The following ADGRF4 variants were observed in gnomAD, a reference collection of about 807,000 sequenced individuals.
The protein encoded by ADGRF4 is G-protein coupled receptor PGR18.
In ADGRF4, 63 loss-of-function variants were observed where a neutral mutation model predicts 58.5. That is an observed-to-expected ratio of 1.08 (90% CI 0.88 to 1.33). The LOEUF (loss-of-function observed/expected upper bound fraction) is 1.33. Among genes scored for constraint, ADGRF4 ranks in the 40% most tolerant of loss-of-function variants. The pLI is 0.00. For missense variants in ADGRF4, 931 were observed against 843.9 expected, an observed-to-expected ratio of 1.10 and a Z score of -1.28; for synonymous variants, 313 against 295.4, an observed-to-expected ratio of 1.06 and a Z score of -0.61.
chr6:47,714,796 T>C lies in ADGRF4; in HGVS notation c.1551T>C (p.Ile517=). ...RRMMKSRMMV[I]GFAIGYGCPL... ...TGATGAAGTCCCGAATGATGGTCAT[T>C]GGCTTTGCCATTGGCTATGGGTGCC... The change falls in exon 6 of 10, where the codon ATT becomes ATC. Residue 517 remains isoleucine, a synonymous_variant. Coordinates refer to ENST00000283303, the MANE Select transcript of ADGRF4 (RefSeq NM_153838.5). 6.2e-7 allele frequency: 1 copy of C among 1,613,998 alleles called. No individual in the cohort carries two copies. The highest frequency in any genetic ancestry group is 1.3e-5 in the African/African-American group (1 of 75,054).
At chr6:47,713,620 T>C (rs1464526732) in intron 5 of ADGRF4, among the ~76,000 whole-genome samples, 178 bp from the exon 6 acceptor site, 1 of 152,238 alleles carries the variant, frequency 6.6e-6, no homozygotes, top group Non-Finnish European at 1.5e-5. Flanking sequence ...TGCATTATTT[T>C]ACTTTTCTTC....
Position 47,712,549 on chromosome 6 carries a change from G to A in ADGRF4, c.493G>A (p.Glu165Lys). 1 of 1,603,806 alleles carries A rather than the reference G, an allele frequency of 6.2e-7. No individual in the cohort carries two copies. Among genetic ancestry groups the A allele is most frequent in the South Asian group, 1.1e-5 (1 of 90,858 alleles). ...ATCTGGAAATATTGCATTTATAGTG[G>A]AGTTATTAAAAAATATTTCTACAGA... The part of the protein sequence containing the change: ...TTSGNIAFIV[E>K]LLKNISTDLS... Residue 165 changes from glutamate to lysine, a missense_variant, in exon 5 of 10, where the codon GAG (glutamate) becomes AAG (lysine). Transcript: ENST00000283303.
chr6:47,707,699 C>A (rs975348602), intron 2 of ADGRF4, among the ~76,000 whole-genome samples: 2 of 152,150 alleles, frequency 1.3e-5, no homozygotes, highest in African/African-American at 4.8e-5. Context: ...GTCCCAAATT[C>A]TTTATCTATA....
At chr6:47,702,325 G>A (rs1771609899) in intron 1 of ADGRF4, among the ~76,000 whole-genome samples, 1 of 152,132 alleles carries the variant, frequency 6.6e-6, no homozygotes, top group African/African-American at 2.4e-5. Flanking sequence ...GAACCCCTTT[G>A]GCTTTTATGA....
intron 2 of ADGRF4, 26 bp from the exon 3 acceptor site, chr6:47,708,198 G>A (rs576649186): frequency 1.9e-6 from 3 of 1,584,664 alleles, no homozygotes; most frequent in East Asian, 2.2e-5. Context: ...CAGTAAAGAG[G>A]ACCATTGGGA....
At chr6:47,721,147 G>C (rs1030342683) in intron 9 of ADGRF4, 62 bp from the exon 10 acceptor site, 4 of 152,270 alleles carry the variant, frequency 2.6e-5, no homozygotes, top group Admixed American at 2.0e-4. Flanking sequence ...GAGCTAACAC[G>C]TTAAAAACCC....
At chr6:47,710,992 C>A in intron 4 of ADGRF4, 106 bp downstream of exon 4, 1 of 1,076,078 alleles carries the variant, frequency 9.3e-7, no homozygotes, top group Non-Finnish European at 1.3e-6. Context: ...CAGATCCGCA[C>A]TTAGAAAAAT....
At chr6:47,699,694 A>G (rs1210471337) in intron 1 of ADGRF4, among the ~76,000 whole-genome samples, 1 of 152,160 alleles carries the variant, frequency 6.6e-6, no homozygotes, top group Non-Finnish European at 1.5e-5. Flanking sequence ...CTTTCCCCCA[A>G]GGCTCTATGT....
intron 1 of ADGRF4, among the ~76,000 whole-genome samples, chr6:47,702,197 C>T (rs1410561015): frequency 6.6e-6 from 1 of 152,168 alleles, no homozygotes; most frequent in African/African-American, 2.4e-5. Context: ...TTTCTTACTA[C>T]AAGAAATCTC....
Position 47,714,631 on chromosome 6 carries a change from C to A in ADGRF4, c.1386C>A (p.His462Gln). ...TANVWFIIGSHFNIKAQDYNM... is the reference protein window; with the variant it reads ...TANVWFIIGSQFNIKAQDYNM... Reference sequence around the variant, plus strand: ...ATGTGTGGTTTATCATAGGCTCTCACTTTAACATTAAGGCCCAGGACTACA... The same window carrying A: ...ATGTGTGGTTTATCATAGGCTCTCAATTTAACATTAAGGCCCAGGACTACA... The change falls in exon 6 of 10, where the codon CAC becomes CAA. Residue 462 changes from histidine to glutamine, a missense_variant. Physicochemically the swap from His to Gln is conservative, Grantham distance 24. Coordinates refer to ENST00000283303, the MANE Select transcript of ADGRF4 (RefSeq NM_153838.5). 1 of 1,614,210 alleles carries A rather than the reference C, an allele frequency of 6.2e-7. No homozygotes were observed. Among genetic ancestry groups the A allele is most frequent in the South Asian group, 1.1e-5 (1 of 91,078 alleles).
At chr6:47,716,145 C>A (rs1772012503) in intron 6 of ADGRF4, among the ~76,000 whole-genome samples, 1 of 152,080 alleles carries the variant, frequency 6.6e-6, no homozygotes, top group Non-Finnish European at 1.5e-5. Context: ...TTGTGTTTCT[C>A]TCTTCTTGAT....
At chr6:47,717,494 G>A (rs1561870665) in intron 8 of ADGRF4, 143 bp downstream of exon 8, 7 of 684,448 alleles carry the variant, frequency 1.0e-5, no homozygotes, top group Admixed American at 2.1e-5. Context: ...TTCTTCATTC[G>A]GTAAATTTGG....
At chr6:47,711,466 T>C (rs1561867263) in intron 4 of ADGRF4, among the ~76,000 whole-genome samples, 1 of 152,220 alleles carries the variant, frequency 6.6e-6, no homozygotes, top group African/African-American at 2.4e-5. Flanking sequence ...TTTCACCATA[T>C]TGGCCAGGAT....
At position 47,713,941 on chromosome 6, in the gene ADGRF4, G is replaced by A. The variant is rs930914390; in HGVS notation, c.696G>A (p.Glu232=). 5.0e-6 allele frequency: 8 copies of A among 1,609,398 alleles called. No homozygotes were observed. The highest frequency in any genetic ancestry group is 6.8e-6 in the Non-Finnish European group (8 of 1,177,756). ...ARQLHIHNNS[E]NIVNELFIQT... is the part of the protein sequence containing the mutation. ...AACTCCACATCCACAATAATTCTGAGAACATTGTGAATGAACTCTTCATTC... is the reference window on the plus strand; with the variant it reads ...AACTCCACATCCACAATAATTCTGAAAACATTGTGAATGAACTCTTCATTC... Residue 232 remains glutamate, a synonymous_variant, in exon 6 of 10, where the codon GAG becomes GAA. Transcript: ENST00000283303.
chr6:47,718,096 G>A (rs1458564735), intron 8 of ADGRF4, among the ~76,000 whole-genome samples: 1 of 152,124 alleles, frequency 6.6e-6, no homozygotes, highest in Non-Finnish European at 1.5e-5. Flanking sequence ...TTCTAAGATA[G>A]GCATTTTCTT....
At chr6:47,720,329 G>A (rs1357140354) in intron 9 of ADGRF4, among the ~76,000 whole-genome samples, 1 of 152,154 alleles carries the variant, frequency 6.6e-6, no homozygotes, top group Non-Finnish European at 1.5e-5. Flanking sequence ...CAGTGTTCCA[G>A]ACCTTCACCA....
At chr6:47,703,526 T>C (rs1396642098) in intron 1 of ADGRF4, among the ~76,000 whole-genome samples, 2 of 152,224 alleles carry the variant, frequency 1.3e-5, no homozygotes, top group East Asian at 3.8e-4. Flanking sequence ...TCTTGGGTAA[T>C]GTCACTGAAT....
Position 47,713,847 on chromosome 6 carries a change from A to T in ADGRF4, c.602A>T (p.Asn201Ile), listed in dbSNP as rs1473723267. 1 of 1,590,212 alleles carries T rather than the reference A, an allele frequency of 6.3e-7. No individual in the cohort carries two copies. Among genetic ancestry groups the T allele is most frequent in the South Asian group, 1.2e-5 (1 of 85,876 alleles). The change falls in exon 6 of 10, where the codon AAC becomes ATC. Residue 201 changes from asparagine to isoleucine, a missense_variant. Asn to Ile is a moderately radical substitution (Grantham distance 149). Coordinates refer to ENST00000283303, the MANE Select transcript of ADGRF4 (RefSeq NM_153838.5). Reference protein sequence around the residue: ...NHILDTAAISNWAFIPNKNAS... With the variant: ...NHILDTAAISIWAFIPNKNAS... ...ATCCTCGACACAGCAGCCATTTCAA[A>T]CTGGGCTTTCATTCCCAACAAAAAT...
At chr6:47,704,553 G>A (rs1771662028) in intron 1 of ADGRF4, among the ~76,000 whole-genome samples, 1 of 151,956 alleles carries the variant, frequency 6.6e-6, no homozygotes, top group African/African-American at 2.4e-5. Context: ...GGATTAAAGT[G>A]ATCACTTTAA....
Sources: allele counts gnomAD v4.1 joint callset (sites outside exome capture counted in the v4.1 genomes callset), GRCh38; gene constraint gnomAD v4.1.1; transcripts MANE v1.5; gene names NCBI Gene and HGNC (gene_info 2026-07-23, HGNC 2026-07-21).